The following CRTAC1 variants were observed in gnomAD, a reference collection of about 807,000 sequenced individuals.
CRTAC1 encodes cartilage acidic protein 1, also known as acidic secreted protein in cartilage.
In CRTAC1, 37 loss-of-function variants were observed where a neutral mutation model predicts 67.8. The observed-to-expected ratio is 0.55, with a 90% CI of 0.42 to 0.72. CRTAC1 has a LOEUF of 0.72. CRTAC1 is among the 30% of genes least tolerant of loss of function. The pLI is 0.00. For synonymous variants in CRTAC1, 348 were observed against 371.0 expected, an observed-to-expected ratio of 0.94 and a Z score of 0.71; for missense variants, 780 against 931.6, an observed-to-expected ratio of 0.84 and a Z score of 2.12.
intron 2 of CRTAC1, among the ~76,000 whole-genome samples, chr10:97,947,008 T>C (rs1437284495): frequency 6.6e-6 from 1 of 152,220 alleles, no homozygotes; most frequent in African/African-American, 2.4e-5. Flanking sequence ...AAATATCTAT[T>C]CAAACTTTCT....
At chr10:97,881,084 T>C (rs1191548204) in intron 13 of CRTAC1, among the ~76,000 whole-genome samples, 1 of 152,178 alleles carries the variant, frequency 6.6e-6, no homozygotes, top group Non-Finnish European at 1.5e-5. Context: ...AATACCTGGC[T>C]TCCCCTCTTC....
At chr10:97,915,915 G>A (rs1309245743) in intron 5 of CRTAC1, among the ~76,000 whole-genome samples, 4 of 152,018 alleles carry the variant, frequency 2.6e-5, no homozygotes, top group East Asian at 3.9e-4. Flanking sequence ...TGAACTGCCC[G>A]TCCTTCCAGC....
chr10:97,897,999 C>T (rs1468015484), intron 8 of CRTAC1, among the ~76,000 whole-genome samples: 2 of 152,186 alleles, frequency 1.3e-5, no homozygotes, highest in African/African-American at 4.8e-5. Flanking sequence ...GGCAGATGCC[C>T]CATGAGGTGG....
At chr10:97,925,396 G>A (rs1161216069) in intron 3 of CRTAC1, among the ~76,000 whole-genome samples, 1 of 152,110 alleles carries the variant, frequency 6.6e-6, no homozygotes, top group East Asian at 1.9e-4. Context: ...ATGAGAGTGG[G>A]TGTGTGAGTG....
intron 2 of CRTAC1, among the ~76,000 whole-genome samples, chr10:98,008,367 G>A (rs1439456633): frequency 1.5e-5 from 2 of 129,208 alleles, no homozygotes; most frequent in South Asian, 2.6e-4. Context: ...TTGGCCCTTC[G>A]CACCCTTTCT....
chr10:97,972,907 T>C (rs181796666), intron 2 of CRTAC1, among the ~76,000 whole-genome samples: 233 of 152,318 alleles, frequency 1.5e-3, no homozygotes, highest in African/African-American at 5.3e-3. Context: ...GATTTTTTTT[T>C]TCACAATTTA....
At chr10:98,013,280 T>C (rs774747478) in intron 1 of CRTAC1, among the ~76,000 whole-genome samples, 15 of 152,196 alleles carry the variant, frequency 9.9e-5, no homozygotes, top group Non-Finnish European at 1.9e-4. Context: ...TTTTCGAAGC[T>C]AGTTAGTTCC....
At chr10:97,919,004 C>T (rs1482906894) in intron 4 of CRTAC1, among the ~76,000 whole-genome samples, 1 of 141,164 alleles carries the variant, frequency 7.1e-6, no homozygotes, top group Non-Finnish European at 1.5e-5. Context: ...AGGCTGGTCT[C>T]GAACTTCTGA....
intron 2 of CRTAC1, among the ~76,000 whole-genome samples, chr10:97,965,616 T>G (rs1050877964): frequency 2.0e-5 from 3 of 151,080 alleles, no homozygotes; most frequent in African/African-American, 7.3e-5. Flanking sequence ...GAGTTGTTGT[T>G]TTTTTTTTTA....
intron 2 of CRTAC1, among the ~76,000 whole-genome samples, chr10:97,997,028 T>G (rs1331985172): frequency 7.7e-6 from 1 of 130,164 alleles, no homozygotes; most frequent in Non-Finnish European, 1.5e-5. Flanking sequence ...AAGTGGGAAT[T>G]GAACAATGAG....
chr10:98,007,972 C>T (rs150024705), intron 2 of CRTAC1, among the ~76,000 whole-genome samples: 56 of 152,306 alleles, frequency 3.7e-4, no homozygotes, highest in Middle Eastern at 3.4e-3. Context: ...ATCCCCTGCA[C>T]ATCAAAGGAC....
chr10:97,942,718 A>G (rs2051194546), intron 2 of CRTAC1, among the ~76,000 whole-genome samples: 1 of 152,136 alleles, frequency 6.6e-6, no homozygotes, highest in African/African-American at 2.4e-5. Context: ...TATCTGTTTG[A>G]AAATTAAGAA....
chr10:97,865,746 C>T lies in CRTAC1; in HGVS notation c.1820-32G>A, dbSNP rs2050014721. 6.1e-6 allele frequency: 9 copies of T among 1,484,372 alleles called. No homozygotes were observed. In the East Asian group the frequency reaches 2.4e-4, roughly 39 times the overall value. 92.0% of individuals were successfully genotyped at this position (1,484,372 alleles called of 1,614,324 possible). A position where few individuals can be genotyped will look rare whatever the true frequency, so the allele number is the denominator to read the frequency against. On this transcript the variant is annotated intron_variant, in intron 14 of 14. Coordinates refer to ENST00000370597, the MANE Select transcript of CRTAC1 (RefSeq NM_018058.7). Reference sequence around the variant, plus strand: ...GGAGGTGTATGGCCGGAGTGAGGGCCTTGCAGACCTGCGGCGGCTGCGCTA... The same window carrying T: ...GGAGGTGTATGGCCGGAGTGAGGGCTTTGCAGACCTGCGGCGGCTGCGCTA...
intron 2 of CRTAC1, among the ~76,000 whole-genome samples, chr10:97,992,245 G>A (rs1030056860): frequency 1.4e-4 from 22 of 152,264 alleles, no homozygotes; most frequent in African/African-American, 4.8e-4. Context: ...TATTTGGAGG[G>A]GGTTGAGGGA....
At chr10:97,865,924 T>G (rs1259853320) in intron 14 of CRTAC1, 4 of 676,770 alleles carry the variant, frequency 5.9e-6, no homozygotes, top group Non-Finnish European at 9.1e-6. Flanking sequence ...ACCTGGGGGC[T>G]TTTCCTTCCC....
chr10:97,885,448 A>T (rs1006157705), intron 11 of CRTAC1, among the ~76,000 whole-genome samples: 1 of 152,252 alleles, frequency 6.6e-6, no homozygotes, highest in Non-Finnish European at 1.5e-5. Context: ...CTTACAGAAG[A>T]TGATGGGAAC....
intron 11 of CRTAC1, among the ~76,000 whole-genome samples, chr10:97,889,795 C>CCCTGGGG (rs1564879693): frequency 2.0e-5 from 3 of 152,106 alleles, no homozygotes; most frequent in African/African-American, 7.2e-5. Flanking sequence ...GGGGCAGGGG[C>CCCTGGGG]CCTGGGGGCA....
At chr10:97,907,199 AT>A (rs1403675024) in intron 6 of CRTAC1, among the ~76,000 whole-genome samples, 1 of 152,232 alleles carries the variant, frequency 6.6e-6, no homozygotes, top group African/African-American at 2.4e-5. Context: ...TAGACAAACC[AT>A]GATGGCAATG....
intron 2 of CRTAC1, among the ~76,000 whole-genome samples, chr10:97,943,697 C>A (rs2051214385): frequency 2.6e-5 from 4 of 152,212 alleles, no homozygotes; most frequent in Admixed American, 2.6e-4. Context: ...CAAACTATGG[C>A]CTGTGGGCCA....
Sources: allele counts gnomAD v4.1 joint callset (sites outside exome capture counted in the v4.1 genomes callset), GRCh38; gene constraint gnomAD v4.1.1; transcripts MANE v1.5; gene names NCBI Gene and HGNC (gene_info 2026-07-23, HGNC 2026-07-21).